Variants in DCBLD2 observed in about 807,000 individuals in gnomAD.
The protein encoded by DCBLD2 is discoidin, CUB and LCCL domain containing 2, also known as discoidin, CUB and LCCL domain-containing protein 2.
A neutral mutation model predicts 86.8 loss-of-function variants in DCBLD2; 54 were observed. The observed-to-expected ratio is 0.62, with a 90% CI of 0.50 to 0.78. The LOEUF (loss-of-function observed/expected upper bound fraction) is 0.78. DCBLD2 is among the 30% of genes least tolerant of loss of function. The probability of loss-of-function intolerance (pLI) is 0.00; values close to 1 mark genes in which losing one functional copy is unlikely to be tolerated. For missense variants in DCBLD2, 908 were observed against 954.2 expected, an observed-to-expected ratio of 0.95 and a Z score of 0.64; for synonymous variants, 354 against 341.3, an observed-to-expected ratio of 1.04 and a Z score of -0.41.
At chr3:98,875,614 T>G (rs1943354526) in intron 2 of DCBLD2, among the ~76,000 whole-genome samples, 1 of 152,154 alleles carries the variant, frequency 6.6e-6, no homozygotes, top group African/African-American at 2.4e-5. Flanking sequence ...AATGAACGTT[T>G]CTGAAAGGAG....
chr3:98,820,762 C>A (rs828615), intron 6 of DCBLD2: 144,577 of 148,994 alleles, frequency 0.97, 70,277 homozygotes, highest in Non-Finnish European at 1. Context: ...TAATAGATTT[C>A]TTTTTCTTTT....
chr3:98,898,983 T>C lies in DCBLD2; in HGVS notation c.205+2139A>G, dbSNP rs556926318. Among the ~76,000 whole-genome samples, 6 of 152,072 alleles carry C rather than the reference T, an allele frequency of 3.9e-5. No homozygotes were observed. The South Asian group carries it at 1.2e-3, about 32-fold the overall frequency. ...ATTTCATTTATATTAAGCTATGAGA[T>C]AGGTATGCATGCTCACCTTAATGAT... On this transcript the variant is annotated intron_variant, in intron 1 of 15. Coordinates refer to ENST00000326840, the MANE Select transcript of DCBLD2 (RefSeq NM_080927.4).
Position 98,798,486 on chromosome 3 carries a change from AT to A in DCBLD2, c.*885del, listed in dbSNP as rs933010062. On this transcript the variant is annotated 3_prime_UTR_variant, in exon 16 of 16. Transcript: ENST00000326840. Reference sequence around the variant, plus strand: ...TTCCCTTAGAAGCCTTCAACTTTTCATAACTCTCCTAGGAAAAATCCCATTG... The same window carrying A: ...TTCCCTTAGAAGCCTTCAACTTTTCAAACTCTCCTAGGAAAAATCCCATTG... 1.3e-5 allele frequency: 2 copies of A among 152,210 alleles called. No individual in the cohort carries two copies. The highest frequency in any genetic ancestry group is 2.9e-5 in the Non-Finnish European group (2 of 68,026). 9.4% of individuals were successfully genotyped at this position (152,210 alleles called of 1,614,324 possible). A position where few individuals can be genotyped will look rare whatever the true frequency, so the allele number is the denominator to read the frequency against.
rs553586423 is a variant in DCBLD2, at chr3:98,867,809, T to G, written c.433+13731A>C. On this transcript the variant is annotated intron_variant, in intron 2 of 15. Coordinates refer to ENST00000326840, the MANE Select transcript of DCBLD2 (RefSeq NM_080927.4). ...AACATTTGTTTTTGTTGTTTTTTGT[T>G]TTTTTTTTTTTGAGACGGAGTCTCG... Among the ~76,000 whole-genome samples, 71 of 132,292 alleles carry G rather than the reference T, an allele frequency of 5.4e-4. 1 individual carries two copies. The South Asian group carries it at 0.015, about 27-fold the overall frequency. 86.8% of individuals were successfully genotyped at this position (132,292 alleles called of 152,430 possible).
At chr3:98,884,250 C>A (rs79916716) in intron 1 of DCBLD2, among the ~76,000 whole-genome samples, 7 of 152,024 alleles carry the variant, frequency 4.6e-5, no homozygotes, top group Admixed American at 4.6e-4. Flanking sequence ...TTTTAGCTAT[C>A]TTCTATACTT....
At chr3:98,896,506 G>A (rs1049005319) in intron 1 of DCBLD2, among the ~76,000 whole-genome samples, 4 of 152,124 alleles carry the variant, frequency 2.6e-5, no homozygotes, top group Non-Finnish European at 4.4e-5. Flanking sequence ...GTATGCTTAT[G>A]TGTGCTAAAT....
intron 1 of DCBLD2, among the ~76,000 whole-genome samples, chr3:98,894,501 A>T (rs1576208764): frequency 6.6e-6 from 1 of 152,282 alleles, no homozygotes; most frequent in Admixed American, 6.5e-5. Flanking sequence ...ATCTGAGGGG[A>T]GCAGAGCTTT....
At chr3:98,870,767 AAGAAAGAAAGAAAGAAAGAAAGAAAG>A (rs1943259738) in intron 2 of DCBLD2, among the ~76,000 whole-genome samples, 1 of 147,848 alleles carries the variant, frequency 6.8e-6, no homozygotes, top group South Asian at 2.2e-4. Flanking sequence ...GAAAGAAAGA[AAGAAAGAAAGAAAGAAAGAAAGAAAG>A]AAAGAAAGAA....
intron 9 of DCBLD2, among the ~76,000 whole-genome samples, chr3:98,816,885 G>A (rs968179692): frequency 6.6e-6 from 1 of 152,072 alleles, no homozygotes; most frequent in African/African-American, 2.4e-5. Flanking sequence ...GGGTTCAGGT[G>A]ATTCTCCCAC....
At chr3:98,822,802 C>A in intron 4 of DCBLD2, 61 bp from the exon 5 acceptor site, 1 of 1,423,556 alleles carries the variant, frequency 7.0e-7, no homozygotes, top group Non-Finnish European at 9.5e-7. Context: ...AAAAAAGCAA[C>A]CCCCCAAAAA....
At chr3:98,827,919 C>A (rs1476758696) in intron 3 of DCBLD2, among the ~76,000 whole-genome samples, 1 of 152,214 alleles carries the variant, frequency 6.6e-6, no homozygotes, top group South Asian at 2.1e-4. Flanking sequence ...TAGAAATAAA[C>A]CCTCAAATTT....
chr3:98,817,912 C>T lies in DCBLD2; in HGVS notation c.1088-19G>A, dbSNP rs1003914294. 62 of 1,610,812 alleles carry T rather than the reference C, an allele frequency of 3.8e-5. No homozygotes were observed. Among genetic ancestry groups the T allele is most frequent in the Non-Finnish European group, 4.9e-5 (58 of 1,178,096 alleles). ...ATAATGCCTGGGGAATGAAGAGTTG[C>T]TTTCATTAATGCACATGGTCTGATT... is the stretch of plus-strand genomic sequence containing the variant. On this transcript the variant is annotated intron_variant, in intron 8 of 15. Transcript: ENST00000326840.
intron 2 of DCBLD2, among the ~76,000 whole-genome samples, chr3:98,871,025 T>G (rs1416909817): frequency 2.1e-5 from 1 of 46,962 alleles, no homozygotes; most frequent in African/African-American, 8.5e-5. Context: ...ATTCCTAGGG[T>G]TTTTTTTTTT....
intron 2 of DCBLD2, among the ~76,000 whole-genome samples, chr3:98,864,718 G>T (rs891594581): frequency 6.6e-6 from 1 of 152,108 alleles, no homozygotes; most frequent in Non-Finnish European, 1.5e-5. Flanking sequence ...GTGGGTGGAG[G>T]GGGGAGAGAA....
rs1172481240 is a variant in DCBLD2, at chr3:98,881,589, A to C, written c.384T>G (p.Phe128Leu). ...TTCCATTATAAATTCTCAAGTAATT[A>C]AAGTGACAAGAATCAGAATCTTCAA... is the stretch of plus-strand genomic sequence containing the variant. ...FDIEDSDSCH[F>L]NYLRIYNGIG... is the part of the protein sequence containing the mutation. The change falls in exon 2 of 16, where the codon TTT (phenylalanine) becomes TTG (leucine). Residue 128 changes from phenylalanine to leucine, a missense_variant. Physicochemically the swap from Phe to Leu is conservative, Grantham distance 22 (BLOSUM62 0). Around this residue, in one of 3 missense-constraint regions of DCBLD2, gnomAD observed 294 missense variants for 256.0 expected, o/e 1.15. Transcript: ENST00000326840. 6.2e-7 allele frequency: 1 copy of C among 1,614,008 alleles called. No homozygotes were observed. The highest frequency in any genetic ancestry group is 8.5e-7 in the Non-Finnish European group (1 of 1,179,890).
intron 6 of DCBLD2, chr3:98,821,309 G>T (rs1218839431): frequency 6.6e-6 from 1 of 152,160 alleles, no homozygotes; most frequent in Non-Finnish European, 1.5e-5. Context: ...AGACTGAGCA[G>T]ATCTAAGAGA....
At chr3:98,809,096 A>G (rs1232153076) in intron 12 of DCBLD2, among the ~76,000 whole-genome samples, 1 of 152,140 alleles carries the variant, frequency 6.6e-6, no homozygotes, top group African/African-American at 2.4e-5. Context: ...CCAGGTCAGA[A>G]GCCAGCATAA....
intron 2 of DCBLD2, among the ~76,000 whole-genome samples, chr3:98,850,273 G>C (rs757185371): frequency 5.3e-5 from 8 of 152,070 alleles, no homozygotes; most frequent in Non-Finnish European, 1.2e-4. Flanking sequence ...AATTGTCTTG[G>C]GCCACACATA....
chr3:98,869,701 T>A (rs1943223939), intron 2 of DCBLD2, among the ~76,000 whole-genome samples: 1 of 152,238 alleles, frequency 6.6e-6, no homozygotes, highest in Non-Finnish European at 1.5e-5. Flanking sequence ...ATATAAAAAC[T>A]GTTCTTGGAG....
Sources: gnomAD v4.1 joint callset for allele counts (sites outside exome capture counted in the v4.1 genomes callset) on GRCh38, gnomAD v4.1.1 for gene constraint, gnomAD v4.1.1 regional missense constraint, MANE v1.5 for transcripts, NCBI Gene and HGNC (gene_info 2026-07-23, HGNC 2026-07-21) for gene names.